The following TYW1B variants were observed in gnomAD, a reference collection of about 807,000 sequenced individuals.
TYW1B encodes S-adenosyl-L-methionine-dependent tRNA 4-demethylwyosine synthase TYW1B.
TYW1B carries 73 observed loss-of-function variants against 86.9 expected under a neutral mutation model. The observed-to-expected ratio is 0.84, with a 90% confidence interval of 0.70 to 1.02. The LOEUF is 1.02. Ranked by LOEUF, TYW1B falls within the 50% of genes least tolerant of loss-of-function variation. The pLI is 0.00. For missense variants in TYW1B, 637 were observed against 827.4 expected, an observed-to-expected ratio of 0.77 and a Z score of 2.82; for synonymous variants, 248 against 292.8, an observed-to-expected ratio of 0.85 and a Z score of 1.56.
intron 13 of TYW1B, among the ~76,000 whole-genome samples, chr7:72,600,598 C>T (rs1341491454): frequency 1.3e-5 from 2 of 152,150 alleles, no homozygotes; most frequent in African/African-American, 4.8e-5. Flanking sequence ...TTTCAAAATA[C>T]ATATCTGCTA....
At chr7:72,699,806 C>T (rs1814416690) in intron 10 of TYW1B, among the ~76,000 whole-genome samples, 1 of 152,076 alleles carries the variant, frequency 6.6e-6, no homozygotes, top group Non-Finnish European at 1.5e-5. Flanking sequence ...CGCACCACCA[C>T]ACCTGCCTAA....
At chr7:72,719,577 A>G (rs1786855395) in intron 9 of TYW1B, among the ~76,000 whole-genome samples, 1 of 134,788 alleles carries the variant, frequency 7.4e-6, no homozygotes, top group African/African-American at 2.8e-5. Flanking sequence ...GTTGCAGTGA[A>G]CCGAGATCTC....
intron 11 of TYW1B, among the ~76,000 whole-genome samples, chr7:72,639,551 C>T (rs1812753200): frequency 6.6e-6 from 1 of 151,952 alleles, no homozygotes. Context: ...TCATGAATAC[C>T]GACTGTATGA....
chr7:72,794,814 ACTTTT>A (rs1405001023), intron 6 of TYW1B, among the ~76,000 whole-genome samples: 1 of 146,780 alleles, frequency 6.8e-6, no homozygotes, highest in Non-Finnish European at 1.5e-5. Context: ...CAACTTCCCC[ACTTTT>A]CTTTTTTTTT....
intron 7 of TYW1B, among the ~76,000 whole-genome samples, chr7:72,770,532 G>A (rs1554469358): frequency 6.6e-6 from 1 of 151,962 alleles, no homozygotes; most frequent in South Asian, 2.1e-4. Flanking sequence ...ACATGATGGT[G>A]AGAATGTGTA....
At chr7:72,743,612 G>A (rs1337380164) in intron 8 of TYW1B, among the ~76,000 whole-genome samples, 1 of 152,110 alleles carries the variant, frequency 6.6e-6, no homozygotes, top group Admixed American at 6.6e-5. Flanking sequence ...GGGAGGCCGA[G>A]GTGGGCGGAT....
chr7:72,670,821 C>T lies in TYW1B; in HGVS notation c.1506+23866G>A, dbSNP rs193050954. Among the ~76,000 whole-genome samples, 3 of 152,316 alleles carry T rather than the reference C, an allele frequency of 2.0e-5. No homozygotes were observed. The East Asian group carries it at 5.8e-4, about 29-fold the overall frequency. On this transcript the variant is annotated intron_variant, in intron 11 of 13. Transcript: ENST00000620995. ...CCAAATGGTGCTCAAACAACATATT[C>T]AAGTTGAGCCATTACTAGTCTAAGA...
intron 7 of TYW1B, among the ~76,000 whole-genome samples, chr7:72,770,246 T>C (rs770711111): frequency 2.0e-5 from 3 of 151,360 alleles, no homozygotes; most frequent in Non-Finnish European, 4.4e-5. Context: ...CTGGCTAACA[T>C]GGTGAAACCC....
intron 2 of TYW1B, among the ~76,000 whole-genome samples, chr7:72,825,577 G>A (rs2129573007): frequency 6.6e-6 from 1 of 152,310 alleles, no homozygotes. Context: ...CTACTCGGGA[G>A]GCTGAGGCAG....
Position 72,728,886 on chromosome 7 carries a change from G to A in TYW1B, c.1128C>T (p.Asp376=). The change falls in exon 9 of 14, where the codon GAC becomes GAT. Residue 376 remains aspartate (D), a synonymous_variant. Coordinates refer to ENST00000620995, the MANE Select transcript of TYW1B (RefSeq NM_001145440.3). ...CTTCCTTCAAGATCATTTCAGGCTG[G>A]TCCATCTTCCACAACCATTCAGTGC... ...PVGTEWLWKM[D]QPEMILKEAI... 1.2e-6 allele frequency: 2 copies of A among 1,613,932 alleles called. No individual in the cohort carries two copies. The highest frequency in any genetic ancestry group is 1.7e-6 in the Non-Finnish European group (2 of 1,179,900).
chr7:72,727,567 A>G (rs1309970409), intron 9 of TYW1B, among the ~76,000 whole-genome samples: 3 of 152,164 alleles, frequency 2.0e-5, no homozygotes, highest in African/African-American at 7.2e-5. Flanking sequence ...CTGTAATCCC[A>G]GCACTTTGGG....
At chr7:72,781,780 C>G (rs1245526530) in intron 6 of TYW1B, among the ~76,000 whole-genome samples, 3 of 152,154 alleles carry the variant, frequency 2.0e-5, no homozygotes, top group African/African-American at 7.2e-5. Flanking sequence ...ATCACACTTG[C>G]GTTGAAAGAA....
At chr7:72,736,371 A>C (rs1235590752) in intron 8 of TYW1B, among the ~76,000 whole-genome samples, 1 of 152,236 alleles carries the variant, frequency 6.6e-6, no homozygotes, top group Non-Finnish European at 1.5e-5. Context: ...TTTAGGCCAA[A>C]TTGTGGGAGC....
At chr7:72,615,957 T>TA (rs782438903) in intron 13 of TYW1B, among the ~76,000 whole-genome samples, 97 of 151,496 alleles carry the variant, frequency 6.4e-4, no homozygotes, top group Non-Finnish European at 1.2e-3. Context: ...GCAAGAGATA[T>TA]AAAAAAATAA....
intron 3 of TYW1B, among the ~76,000 whole-genome samples, chr7:72,810,972 C>G (rs1788599970): frequency 6.6e-6 from 1 of 151,924 alleles, no homozygotes; most frequent in Non-Finnish European, 1.5e-5. Flanking sequence ...AAATCCAAAT[C>G]AATCAAGAAA....
At chr7:72,681,748 G>A (rs1368294384) in intron 11 of TYW1B, among the ~76,000 whole-genome samples, 5 of 147,224 alleles carry the variant, frequency 3.4e-5, no homozygotes, top group Admixed American at 1.4e-4. Flanking sequence ...ACTATGCTCA[G>A]CTAATTTTTT....
intron 8 of TYW1B, among the ~76,000 whole-genome samples, chr7:72,742,974 A>T (rs1191214527): frequency 2.0e-5 from 3 of 152,196 alleles, no homozygotes; most frequent in Non-Finnish European, 4.4e-5. Flanking sequence ...AAAAGAGAAG[A>T]AATGTCTAGT....
At chr7:72,641,313 T>C (rs1398094413) in intron 11 of TYW1B, among the ~76,000 whole-genome samples, 1 of 152,084 alleles carries the variant, frequency 6.6e-6, no homozygotes, top group Non-Finnish European at 1.5e-5. Context: ...TTGCCAAACA[T>C]TTTAAGAAGA....
intron 2 of TYW1B, among the ~76,000 whole-genome samples, chr7:72,819,480 T>G (rs1423822349): frequency 6.6e-6 from 1 of 152,212 alleles, no homozygotes; most frequent in African/African-American, 2.4e-5. Context: ...TCGCCCAGGC[T>G]GAAGTGCAGT....
Sources: allele counts gnomAD v4.1 joint callset (sites outside exome capture counted in the v4.1 genomes callset), GRCh38; gene constraint gnomAD v4.1.1; transcripts MANE v1.5; gene names NCBI Gene and HGNC (gene_info 2026-07-23, HGNC 2026-07-21).